The following POGZ variants were observed in gnomAD, a reference collection of about 807,000 sequenced individuals.
The protein encoded by POGZ is pogo transposable element with ZNF domain.
POGZ carries 17 observed loss-of-function variants against 134.6 expected under a neutral mutation model. That is an observed-to-expected ratio of 0.13 (90% confidence interval 0.09 to 0.19). The LOEUF (loss-of-function observed/expected upper bound fraction) is 0.19, where lower values mean the gene tolerates loss of function less well. POGZ is among the 10% of genes least tolerant of loss of function. The pLI, the probability that POGZ is intolerant of heterozygous loss-of-function variation, is 1.00. For missense variants in POGZ, 1,306 were observed against 1,769.7 expected (o/e 0.74, Z 4.70); for synonymous variants, 693 against 657.1 (o/e 1.05, Z -0.84).
chr1:151,423,567 A>C lies in POGZ; in HGVS notation c.1524-16T>G. 6.3e-7 allele frequency: 1 copy of C among 1,586,408 alleles called. No homozygotes were observed. Among genetic ancestry groups the C allele is most frequent in the South Asian group, 1.1e-5 (1 of 88,582 alleles). ...GTTCATGAATCTGTAATAAAGCACA[A>C]AGAGAAAGTACAGAAAACATAAAAA... On this transcript the variant is annotated splice_polypyrimidine_tract_variant and intron_variant, in intron 9 of 18. Transcript: ENST00000271715.
chr1:151,454,879 G>A (rs139119449), intron 1 of POGZ: 2 of 152,358 alleles, frequency 1.3e-5, no homozygotes, highest in Non-Finnish European at 2.9e-5. Flanking sequence ...GGAGGCCAAG[G>A]CGGGTCGATC....
intron 3 of POGZ, among the ~76,000 whole-genome samples, chr1:151,433,593 C>T (rs1481560697): frequency 3.6e-5 from 3 of 83,354 alleles, no homozygotes; most frequent in Non-Finnish European, 6.7e-5. Flanking sequence ...GAGCAATAAG[C>T]GAAATTCCGT....
At chr1:151,450,204 G>C (rs929002306) in intron 1 of POGZ, among the ~76,000 whole-genome samples, 2 of 151,512 alleles carry the variant, frequency 1.3e-5, no homozygotes, top group Admixed American at 6.6e-5. Context: ...GCTAGTTTTT[G>C]TATTTTTAGT....
chr1:151,454,176 AAAG>A (rs1209301573), intron 1 of POGZ, among the ~76,000 whole-genome samples: 1 of 152,220 alleles, frequency 6.6e-6, no homozygotes, highest in African/African-American at 2.4e-5. Context: ...ATCAACATAA[AAAG>A]AACATTTGGA....
chr1:151,440,528 A>G (rs1660362041), intron 3 of POGZ, among the ~76,000 whole-genome samples: 1 of 152,208 alleles, frequency 6.6e-6, no homozygotes, highest in Non-Finnish European at 1.5e-5. Context: ...TCAGGAACCA[A>G]TAAACAAATG....
intron 3 of POGZ, among the ~76,000 whole-genome samples, chr1:151,435,919 CCAT>C (rs985212575): frequency 2.0e-5 from 3 of 151,626 alleles, no homozygotes; most frequent in Non-Finnish European, 4.4e-5. Context: ...GGCTGTGCAA[CCAT>C]CATCATCATT....
Position 151,455,106 on chromosome 1 carries a change from C to CAAAAAA in POGZ, c.-2+4040_-2+4045dup, listed in dbSNP as rs60198650. ...TGGGCAATAGAGCGAGACTCCATCT[C>CAAAAAA]AAAAAAAAAAAAAAGACAAGTTTTT... On this transcript the variant is annotated intron_variant, in intron 1 of 18. Coordinates refer to ENST00000271715, the MANE Select transcript of POGZ (RefSeq NM_015100.4). The CAAAAAA allele has an allele frequency of 4.6e-4, 52 of 113,428 alleles. No individual in the cohort carries two copies. The East Asian group carries it at 9.9e-3, about 21-fold the overall frequency. The allele number at this position is 113,428 out of a possible 1,614,324, so 7.0% of individuals were successfully genotyped here. A position where few individuals can be genotyped will look rare whatever the true frequency, so the allele number is the denominator to read the frequency against.
rs2102169023 is a variant in POGZ at position 151,408,791 on chromosome 1, T to C, written c.1964A>G (p.Gln655Arg). The C allele has an allele frequency of 6.2e-7, 1 of 1,614,062 alleles. No homozygotes were observed. The highest frequency in any genetic ancestry group is 8.5e-7 in the Non-Finnish European group (1 of 1,179,954). ...AATTTTGTCCTTGGCAAAGAGAAAC[T>C]GCAGCCGGCATTTGTTGCAGTGATA... is the stretch of plus-strand genomic sequence containing the variant. Reference protein sequence around the residue: ...NVYHCNKCRLQFLFAKDKIEH... With the variant: ...NVYHCNKCRLRFLFAKDKIEH... Residue 655 changes from glutamine to arginine, a missense_variant, in exon 13 of 19, where the codon CAG becomes CGG. Gln to Arg is a conservative substitution (Grantham distance 43, BLOSUM62 1). Around this residue, in one of 10 missense-constraint regions of POGZ, gnomAD observed 149 missense variants for 237.5 expected, o/e 0.63. Transcript: ENST00000271715.
Position 151,419,976 on chromosome 1 carries a change from G to C in POGZ, c.1678+3421C>G, listed in dbSNP as rs1481266175. ...CCCCCCATATTACGCGTAAAAATGA[G>C]TTAGGTGCCCAGACTGGGCAACACA... On this transcript the variant is annotated intron_variant, in intron 10 of 18. Coordinates refer to ENST00000271715, the MANE Select transcript of POGZ (RefSeq NM_015100.4). Among the ~76,000 whole-genome samples the C allele has an allele frequency of 2.0e-5, 3 of 151,958 alleles. No individual in the cohort carries two copies. In the East Asian group the frequency reaches 5.9e-4, roughly 30 times the overall value.
At chr1:151,447,547 G>C (rs1661448142) in intron 1 of POGZ, among the ~76,000 whole-genome samples, 2 of 151,208 alleles carry the variant, frequency 1.3e-5, no homozygotes. Flanking sequence ...CACCTCCCAG[G>C]CTCAAGAAAT....
intron 10 of POGZ, among the ~76,000 whole-genome samples, chr1:151,414,482 G>C (rs757666479): frequency 3.3e-4 from 50 of 152,162 alleles, no homozygotes; most frequent in Non-Finnish European, 1.6e-4. Flanking sequence ...CAAGCATCAG[G>C]TTAAGATTTA....
chr1:151,409,296 C>T (rs1280078488), intron 12 of POGZ, among the ~76,000 whole-genome samples: 1 of 152,182 alleles, frequency 6.6e-6, no homozygotes, highest in African/African-American at 2.4e-5. Flanking sequence ...CAACTTATTA[C>T]CAGTTTCCTG....
At chr1:151,430,314 CA>C (rs1658486495) in intron 4 of POGZ, among the ~76,000 whole-genome samples, 1 of 152,148 alleles carries the variant, frequency 6.6e-6, no homozygotes, top group Admixed American at 6.5e-5. Context: ...CATACATCTC[CA>C]AAAGTTAACT....
At chr1:151,436,213 T>C (rs1295512896) in intron 3 of POGZ, among the ~76,000 whole-genome samples, 3 of 152,048 alleles carry the variant, frequency 2.0e-5, no homozygotes, top group Admixed American at 6.6e-5. Context: ...CTGCCTTGGC[T>C]TCCCAAAGTG....
intron 8 of POGZ, 151 bp downstream of exon 8, chr1:151,424,804 A>C: frequency 1.7e-6 from 1 of 575,280 alleles, no homozygotes. Flanking sequence ...TCACATTCCA[A>C]AGTACACAGC....
At position 151,405,554 on chromosome 1, in the gene POGZ, G is replaced by C; in HGVS notation, c.3481C>G (p.Leu1161Val). Residue 1161 changes from leucine to valine, a missense_variant, in exon 19 of 19, where the codon CTA becomes GTA. Leu to Val is a conservative substitution (Grantham distance 32). Transcript: ENST00000271715. The surrounding 1 kb of genome is among the most constrained non-coding windows in gnomAD (Gnocchi z 4.9). The part of the protein sequence containing the change: ...GTGEPWCDVV[L>V]AILADGTVLP... ...ACAGTGCCATCTGCCAGAATGGCTA[G>C]GACTACATCACACCAAGGTTCCCCT... is the stretch of plus-strand genomic sequence containing the variant. 1.2e-6 allele frequency: 2 copies of C among 1,614,180 alleles called. No homozygotes were observed. The highest frequency in any genetic ancestry group is 1.7e-6 in the Non-Finnish European group (2 of 1,180,026).
rs1657241324 is a variant in POGZ at position 151,423,258 on chromosome 1, G to A, written c.1678+139C>T. 4 of 692,154 alleles carry A rather than the reference G, an allele frequency of 5.8e-6. No homozygotes were observed. The South Asian group carries it at 6.1e-5, about 11-fold the overall frequency. 42.9% of individuals were successfully genotyped at this position (692,154 alleles called of 1,614,324 possible). Reference sequence around the variant, plus strand: ...AAAAAAACAAGGTGAATGAAGTAAAGAACTGGCTACAAATATGAAAAGTAC... The same window carrying A: ...AAAAAAACAAGGTGAATGAAGTAAAAAACTGGCTACAAATATGAAAAGTAC... On this transcript the variant is annotated intron_variant, in intron 10 of 18. Coordinates refer to ENST00000271715, the MANE Select transcript of POGZ (RefSeq NM_015100.4).
At chr1:151,427,423 T>C (rs1412281422) in intron 7 of POGZ, 2 of 227,568 alleles carry the variant, frequency 8.8e-6, no homozygotes, top group South Asian at 1.2e-4. Flanking sequence ...ACTTTACTAC[T>C]AGGCCCTTTA....
intron 17 of POGZ, 60 bp downstream of exon 17, chr1:151,406,851 G>T: frequency 1.5e-6 from 2 of 1,304,998 alleles, no homozygotes; most frequent in Non-Finnish European, 2.2e-6. Flanking sequence ...GATGCATACA[G>T]TACGAACCTG....
Sources: gnomAD v4.1 joint callset for allele counts (sites outside exome capture counted in the v4.1 genomes callset) on GRCh38, gnomAD v4.1.1 for gene constraint, gnomAD v4.1.1 regional missense constraint, Gnocchi (gnomAD v3.1) non-coding constraint, MANE v1.5 for transcripts, NCBI Gene and HGNC (gene_info 2026-07-23, HGNC 2026-07-21) for gene names.